The following EML6 variants were observed in gnomAD, a reference collection of about 807,000 sequenced individuals.
The protein encoded by EML6 is EMAP like 6.
Under a neutral mutation model 240.1 loss-of-function variants are expected in EML6, and 154 were observed. That is an observed-to-expected ratio of 0.64 (90% CI 0.56 to 0.73). The LOEUF (loss-of-function observed/expected upper bound fraction) is 0.73, where lower values mean the gene tolerates loss of function less well. Among genes scored for constraint, EML6 ranks in the 30% least tolerant of loss-of-function variants. EML6 has a pLI of 0.00. For synonymous variants in EML6, 1,148 were observed against 899.0 expected (o/e 1.28, Z -4.95); for missense variants, 2,964 against 2,474.6 (o/e 1.20, Z -4.20).
At chr2:54,847,388 GT>G (rs1297170629) in intron 8 of EML6, 97 bp from the exon 9 acceptor site, 1 of 1,282,098 alleles carries the variant, frequency 7.8e-7, no homozygotes, top group Non-Finnish European at 1.1e-6. Context: ...GTCTTTTCTT[GT>G]TACTGTTGGT....
chr2:54,836,537 C>G (rs995998270), intron 7 of EML6, among the ~76,000 whole-genome samples: 11 of 152,174 alleles, frequency 7.2e-5, no homozygotes, highest in Non-Finnish European at 1.2e-4. Flanking sequence ...ACCTGCAGCC[C>G]CAGCCCTGCG....
chr2:54,879,640 G>C lies in EML6; in HGVS notation c.2438G>C (p.Arg813Thr). 2 of 1,537,214 alleles carry C rather than the reference G, an allele frequency of 1.3e-6. No homozygotes were observed. The highest frequency in any genetic ancestry group is 1.8e-6 in the Non-Finnish European group (2 of 1,133,534). Residue 813 changes from arginine to threonine, a missense_variant and splice_region_variant, in exon 17 of 42, where the codon AGA becomes ACA. By Grantham distance (71) the Arg-to-Thr change is moderately conservative. Transcript: ENST00000356458. ...WKKGEKIATT[R>T]GHKDKIFVVK... The stretch of plus-strand genomic sequence containing the variant: ...AAGGGAGAAAAGATAGCCACAACAA[G>C]GTAAGAAGCTGCCGGGATCTTACGG...
chr2:54,891,105 C>G lies in EML6; in HGVS notation c.2490C>G (p.Asp830Glu). ...TAAAGTGTAACCCACACCATGTTGA[C>G]AAACTGGTTACAGTTGGGATAAAAC... is the stretch of plus-strand genomic sequence containing the variant. Reference protein sequence around the residue: ...FVVKCNPHHVDKLVTVGIKHI... With the variant: ...FVVKCNPHHVEKLVTVGIKHI... Residue 830 changes from aspartate to glutamate, a missense_variant, in exon 18 of 42, where the codon GAC becomes GAG. Physicochemically the swap from Asp to Glu is conservative, Grantham distance 45. Transcript: ENST00000356458. 6.6e-7 allele frequency: 1 copy of G among 1,510,616 alleles called. No individual in the cohort carries two copies. Among genetic ancestry groups the G allele is most frequent in the South Asian group, 1.3e-5 (1 of 79,536 alleles). 93.6% of individuals were successfully genotyped at this position (1,510,616 alleles called of 1,614,324 possible).
At chr2:54,909,427 C>T (rs1673522378) in intron 24 of EML6, among the ~76,000 whole-genome samples, 1 of 152,116 alleles carries the variant, frequency 6.6e-6, no homozygotes, top group South Asian at 2.1e-4. Flanking sequence ...TTGCTCAAGT[C>T]AAGGAAAAAT....
At chr2:54,782,962 C>T (rs11678461) in intron 2 of EML6, among the ~76,000 whole-genome samples, 18,421 of 152,200 alleles carry the variant, frequency 0.12, 1,679 homozygotes, top group East Asian at 0.31. Context: ...AAGGGTTTAG[C>T]TTCCTGTCTA....
chr2:54,796,492 G>GTT (rs139445612), intron 2 of EML6, among the ~76,000 whole-genome samples: 3 of 149,056 alleles, frequency 2.0e-5, no homozygotes, highest in Admixed American at 6.7e-5. Flanking sequence ...GTTTTGGTAA[G>GTT]TTTTTTTTTT....
intron 2 of EML6, among the ~76,000 whole-genome samples, chr2:54,767,901 C>A (rs1289265219): frequency 2.6e-5 from 4 of 152,040 alleles, no homozygotes; most frequent in Admixed American, 6.6e-5. Flanking sequence ...GGGTTACAGG[C>A]GTGAGTCAAC....
chr2:54,797,850 T>A (rs1417182498), intron 2 of EML6, among the ~76,000 whole-genome samples: 2 of 152,170 alleles, frequency 1.3e-5, no homozygotes, highest in Non-Finnish European at 2.9e-5. Context: ...ATTGATAGAT[T>A]TTTTTTAATC....
chr2:54,750,790 C>G (rs1028258995), intron 2 of EML6, among the ~76,000 whole-genome samples: 1 of 152,120 alleles, frequency 6.6e-6, no homozygotes, highest in Admixed American at 6.5e-5. Context: ...GGGAAGGACA[C>G]TCTGGCCTTG....
intron 2 of EML6, among the ~76,000 whole-genome samples, chr2:54,768,990 C>T (rs1264278633): frequency 6.6e-6 from 1 of 152,132 alleles, no homozygotes; most frequent in Non-Finnish European, 1.5e-5. Flanking sequence ...AAGATTTTGT[C>T]TGTATGAGTT....
At chr2:54,857,052 G>C (rs185601389) in intron 11 of EML6, among the ~76,000 whole-genome samples, 1 of 152,136 alleles carries the variant, frequency 6.6e-6, no homozygotes, top group Non-Finnish European at 1.5e-5. Flanking sequence ...TCTAAGTTTG[G>C]GACTTGAGCA....
chr2:54,929,319 T>C (rs1466712870), intron 28 of EML6, among the ~76,000 whole-genome samples: 2 of 152,240 alleles, frequency 1.3e-5, no homozygotes, highest in African/African-American at 2.4e-5. Flanking sequence ...GAATGAGTGT[T>C]TTCTAGTATT....
intron 40 of EML6, 76 bp downstream of exon 40, chr2:54,968,357 TG>T (rs1676840751): frequency 1.5e-6 from 2 of 1,371,054 alleles, no homozygotes; most frequent in Non-Finnish European, 2.0e-6. Flanking sequence ...CACGTCTAGA[TG>T]GCCCTCTGGG....
intron 8 of EML6, among the ~76,000 whole-genome samples, chr2:54,845,713 C>T (rs1169957031): frequency 6.6e-6 from 1 of 152,128 alleles, no homozygotes; most frequent in Non-Finnish European, 1.5e-5. Flanking sequence ...GTATTGAGAA[C>T]ATACTCAGCT....
intron 28 of EML6, among the ~76,000 whole-genome samples, chr2:54,944,333 G>C (rs1012769924): frequency 2.6e-5 from 4 of 152,190 alleles, no homozygotes; most frequent in African/African-American, 9.6e-5. Context: ...TATGCAAGCT[G>C]GAAAACTGGT....
intron 2 of EML6, among the ~76,000 whole-genome samples, chr2:54,811,523 T>C (rs1434137146): frequency 2.0e-5 from 3 of 152,218 alleles, no homozygotes; most frequent in Non-Finnish European, 2.9e-5. Flanking sequence ...TGACATATCG[T>C]GATTATTTCT....
chr2:54,744,949 CACACACACACA>C (rs1683845144), intron 2 of EML6, among the ~76,000 whole-genome samples: 8 of 144,958 alleles, frequency 5.5e-5, no homozygotes, highest in Admixed American at 2.7e-4. Flanking sequence ...CACACACACA[CACACACACACA>C]CACCCTGCCA....
intron 19 of EML6, among the ~76,000 whole-genome samples, chr2:54,893,782 A>G (rs1229073547): frequency 6.6e-6 from 1 of 152,144 alleles, no homozygotes; most frequent in Non-Finnish European, 1.5e-5. Context: ...TTCTACTACA[A>G]AAGTAGGTTC....
chr2:54,849,142 A>G (rs2103733612), intron 9 of EML6, among the ~76,000 whole-genome samples: 1 of 152,364 alleles, frequency 6.6e-6, no homozygotes, highest in East Asian at 1.9e-4. Context: ...TAAAATTTTA[A>G]AAATCGATAC....
Sources: gnomAD v4.1 joint callset for allele counts (sites outside exome capture counted in the v4.1 genomes callset) on GRCh38, gnomAD v4.1.1 for gene constraint, MANE v1.5 for transcripts, NCBI Gene and HGNC (gene_info 2026-07-23, HGNC 2026-07-21) for gene names.